The following OSTF1 variants were observed in gnomAD, a reference collection of about 807,000 sequenced individuals.
OSTF1 encodes the protein osteoclast-stimulating factor 1.
OSTF1 carries 27 observed loss-of-function variants against 37.2 expected under a neutral mutation model. The ratio of observed to expected loss-of-function variants is 0.73; its 90% CI spans 0.54 to 1.00. The LOEUF (loss-of-function observed/expected upper bound fraction) is 1.00. Among genes scored for constraint, OSTF1 ranks in the 50% least tolerant of loss-of-function variants. The pLI, the probability that OSTF1 is intolerant of heterozygous loss-of-function variation, is 0.00. For missense variants in OSTF1, 232 were observed against 253.8 expected (o/e 0.91, Z 0.58); for synonymous variants, 82 against 89.2 (o/e 0.92, Z 0.46).
At chr9:75,090,328 T>C (rs1225243103) in intron 1 of OSTF1, among the ~76,000 whole-genome samples, 4 of 143,436 alleles carry the variant, frequency 2.8e-5, no homozygotes, top group Non-Finnish European at 6.2e-5. Flanking sequence ...TGTGTGTGTG[T>C]GTACACAGTA....
At chr9:75,137,643 T>A in intron 8 of OSTF1, 27 bp downstream of exon 8, 1 of 1,453,640 alleles carries the variant, frequency 6.9e-7, no homozygotes, top group Non-Finnish European at 9.7e-7. Context: ...GTTTATCTGG[T>A]CTTTGCTTGC....
Position 75,108,765 on chromosome 9 carries a change from C to G in OSTF1, c.35-8739C>G, listed in dbSNP as rs139558135. Reference sequence around the variant, plus strand: ...CCTATCAGGGAGGAAGGATAGCTTACTAATGTGCTGGCAGCGTCACTTCCG... The same window carrying G: ...CCTATCAGGGAGGAAGGATAGCTTAGTAATGTGCTGGCAGCGTCACTTCCG... On this transcript the variant is annotated intron_variant, in intron 1 of 9. Coordinates refer to ENST00000346234, the MANE Select transcript of OSTF1 (RefSeq NM_012383.5). 3.2e-3 allele frequency among the ~76,000 whole-genome samples: 494 copies of G among 152,198 alleles called. 3 individuals are homozygous for G. The highest frequency in any genetic ancestry group is 0.011 in the African/African-American group (476 of 41,508).
At chr9:75,105,157 A>G (rs868859992) in intron 1 of OSTF1, among the ~76,000 whole-genome samples, 8 of 152,180 alleles carry the variant, frequency 5.3e-5, no homozygotes, top group African/African-American at 4.8e-5. Flanking sequence ...CAGTCATTTC[A>G]TATGGGAGGA....
chr9:75,109,708 G>T (rs1825351822), intron 1 of OSTF1, among the ~76,000 whole-genome samples: 1 of 152,110 alleles, frequency 6.6e-6, no homozygotes, highest in South Asian at 2.1e-4. Flanking sequence ...GACCGGAAGG[G>T]ATTTCTAGTT....
chr9:75,106,708 C>T (rs563446237), intron 1 of OSTF1, among the ~76,000 whole-genome samples: 75 of 149,038 alleles, frequency 5.0e-4, no homozygotes, highest in African/African-American at 1.8e-3. Context: ...GTAATCCCAG[C>T]ACTTTGGGAG....
At chr9:75,122,264 G>A (rs1482715737) in intron 2 of OSTF1, among the ~76,000 whole-genome samples, 2 of 152,156 alleles carry the variant, frequency 1.3e-5, no homozygotes, top group Non-Finnish European at 2.9e-5. Context: ...TAGGTTAATA[G>A]AGCCACGTGT....
At chr9:75,139,577 C>T (rs916981656) in intron 8 of OSTF1, among the ~76,000 whole-genome samples, 9 of 152,110 alleles carry the variant, frequency 5.9e-5, no homozygotes, top group African/African-American at 9.7e-5. Flanking sequence ...TACAGGCATG[C>T]GCCACCACAC....
At chr9:75,102,586 G>A (rs535120357) in intron 1 of OSTF1, among the ~76,000 whole-genome samples, 46 of 152,122 alleles carry the variant, frequency 3.0e-4, no homozygotes, top group Admixed American at 2.5e-3. Context: ...TCTAGCATCC[G>A]CTCATGCCCC....
chr9:75,138,253 G>A (rs1288530723), intron 8 of OSTF1, among the ~76,000 whole-genome samples: 1 of 152,170 alleles, frequency 6.6e-6, no homozygotes, highest in Non-Finnish European at 1.5e-5. Context: ...GAGTCCCCAA[G>A]ACACTTGTCA....
intron 2 of OSTF1, among the ~76,000 whole-genome samples, chr9:75,118,127 C>A (rs894891498): frequency 6.6e-6 from 1 of 152,236 alleles, no homozygotes; most frequent in Admixed American, 6.5e-5. Context: ...GAGTAACAGA[C>A]AAATGAATGT....
chr9:75,121,940 C>T (rs55951699), intron 2 of OSTF1, among the ~76,000 whole-genome samples: 9,359 of 152,208 alleles, frequency 0.061, 392 homozygotes, highest in African/African-American at 0.11. Flanking sequence ...GACAGCAATG[C>T]GCAACCCCAG....
chr9:75,120,303 A>G (rs1438355215), intron 2 of OSTF1, among the ~76,000 whole-genome samples: 1 of 152,172 alleles, frequency 6.6e-6, no homozygotes, highest in Non-Finnish European at 1.5e-5. Context: ...TGTGAGGCCC[A>G]GGGCTGTTGT....
chr9:75,089,451 T>G (rs1403024365), intron 1 of OSTF1, among the ~76,000 whole-genome samples: 1 of 152,140 alleles, frequency 6.6e-6, no homozygotes, highest in Non-Finnish European at 1.5e-5. Flanking sequence ...CGGATTGTCC[T>G]TGTTCATTTT....
intron 8 of OSTF1, among the ~76,000 whole-genome samples, chr9:75,138,934 A>G (rs1486490754): frequency 6.6e-6 from 1 of 152,054 alleles, no homozygotes; most frequent in Non-Finnish European, 1.5e-5. Flanking sequence ...TCTGCTTAGG[A>G]GAAAGATTTT....
At position 75,146,879 on chromosome 9, in the gene OSTF1, C is replaced by T. The variant is rs1054217191; in HGVS notation, c.*138C>T. 1.1e-5 allele frequency: 6 copies of T among 567,862 alleles called. No homozygotes were observed. Among genetic ancestry groups the T allele is most frequent in the African/African-American group, 3.9e-5 (2 of 50,936 alleles). The allele number at this position is 567,862 out of a possible 1,614,324, so 35.2% of individuals were successfully genotyped here. A position where few individuals can be genotyped will look rare whatever the true frequency, so the allele number is the denominator to read the frequency against. The stretch of plus-strand genomic sequence containing the variant: ...AGTGTTGCACTGTGTTTGAGTAGAA[C>T]GTGTAAATGAATTGTTCCCACCTTT... On this transcript the variant is annotated 3_prime_UTR_variant, in exon 10 of 10. Transcript: ENST00000346234.
chr9:75,095,473 A>C (rs960234074), intron 1 of OSTF1, among the ~76,000 whole-genome samples: 2 of 152,188 alleles, frequency 1.3e-5, no homozygotes, highest in African/African-American at 4.8e-5. Context: ...GAAGAGGAGT[A>C]ATCTAAGCAG....
intron 5 of OSTF1, among the ~76,000 whole-genome samples, chr9:75,133,003 ACACACACAC>A (rs1217752633): frequency 3.7e-5 from 1 of 27,288 alleles, no homozygotes; most frequent in African/African-American, 1.0e-4. Flanking sequence ...ACACACACAC[ACACACACAC>A]CCCTATATAT....
At chr9:75,131,703 A>G in intron 4 of OSTF1, 67 bp from the exon 5 acceptor site, 1 of 1,168,100 alleles carries the variant, frequency 8.6e-7, no homozygotes, top group South Asian at 1.2e-5. Flanking sequence ...GTGGTGAATG[A>G]GTGGCTTCAG....
intron 9 of OSTF1, among the ~76,000 whole-genome samples, chr9:75,144,614 A>T (rs928585995): frequency 6.6e-6 from 1 of 151,576 alleles, no homozygotes; most frequent in Non-Finnish European, 1.5e-5. Context: ...ATCGGCTTCC[A>T]CCTCCCTTGT....
Sources: gnomAD v4.1 joint callset for allele counts (sites outside exome capture counted in the v4.1 genomes callset) on GRCh38, gnomAD v4.1.1 for gene constraint, MANE v1.5 for transcripts, NCBI Gene and HGNC (gene_info 2026-07-23, HGNC 2026-07-21) for gene names.